NCOA2: variants seen among roughly 807,000 people sequenced by gnomAD.
NCOA2 encodes class E basic helix-loop-helix protein 75.
NCOA2 carries 21 observed loss-of-function variants against 145.1 expected under a neutral mutation model. That is an observed-to-expected ratio of 0.14 (90% CI 0.10 to 0.21). The LOEUF (loss-of-function observed/expected upper bound fraction) is 0.21. Among genes scored for constraint, NCOA2 ranks in the 10% least tolerant of loss-of-function variants. NCOA2 has a pLI of 1.00. For synonymous variants in NCOA2, 619 were observed against 637.5 expected, an observed-to-expected ratio of 0.97 and a Z score of 0.44; for missense variants, 1,472 against 1,837.6, an observed-to-expected ratio of 0.80 and a Z score of 3.64.
At chr8:70,128,009 A>G (rs1383358023) in intron 18 of NCOA2, among the ~76,000 whole-genome samples, 2 of 152,188 alleles carry the variant, frequency 1.3e-5, no homozygotes, top group Admixed American at 6.5e-5. Flanking sequence ...CCTTCTGGAG[A>G]AAACAGGTGT....
intron 1 of NCOA2, among the ~76,000 whole-genome samples, chr8:70,400,321 G>C (rs1275074940): frequency 6.6e-6 from 1 of 152,108 alleles, no homozygotes; most frequent in Non-Finnish European, 1.5e-5. Flanking sequence ...TCCAGTCTGA[G>C]AGCACACAAT....
intron 7 of NCOA2, among the ~76,000 whole-genome samples, chr8:70,165,810 C>A (rs1018087783): frequency 6.6e-6 from 1 of 152,094 alleles, no homozygotes; most frequent in Non-Finnish European, 1.5e-5. Flanking sequence ...GTTGTTTTAA[C>A]TGTGTGCATT....
intron 1 of NCOA2, among the ~76,000 whole-genome samples, chr8:70,342,709 CCTTTT>C (rs1313798195): frequency 6.9e-6 from 1 of 143,932 alleles, no homozygotes; most frequent in Non-Finnish European, 1.5e-5. Context: ...TACTACATTA[CCTTTT>C]TTTTTTTTAA....
chr8:70,417,819 G>A, the NCOA2 span, among the ~76,000 whole-genome samples: 7 of 152,056 alleles, frequency 4.6e-5, no homozygotes, highest in East Asian at 1.9e-4. Context: ...AGCCTTTTTC[G>A]TATCTCCATT....
chr8:70,137,213 T>C (rs1428339818), intron 15 of NCOA2, among the ~76,000 whole-genome samples: 6 of 152,216 alleles, frequency 3.9e-5, no homozygotes, highest in Non-Finnish European at 8.8e-5. Context: ...CTAAGTTTTT[T>C]TGTATTTTTA....
chr8:70,136,784 G>C (rs983870736), intron 15 of NCOA2, among the ~76,000 whole-genome samples: 25 of 152,328 alleles, frequency 1.6e-4, no homozygotes, highest in Admixed American at 1.2e-3. Context: ...TCAAAAGAGA[G>C]ACATGGTTAG....
At chr8:70,454,959 G>T in the NCOA2 span, among the ~76,000 whole-genome samples, 4 of 152,202 alleles carry the variant, frequency 2.6e-5, no homozygotes, top group African/African-American at 9.6e-5. Context: ...TAATGATGGC[G>T]AAATGCTTTG....
intron 4 of NCOA2, among the ~76,000 whole-genome samples, chr8:70,187,932 C>G (rs1283131920): frequency 2.0e-5 from 3 of 152,196 alleles, no homozygotes; most frequent in African/African-American, 7.2e-5. Context: ...TACCCAATGG[C>G]ATTTTTCCCC....
chr8:70,433,988 C>T, the NCOA2 span, among the ~76,000 whole-genome samples: 2 of 152,100 alleles, frequency 1.3e-5, no homozygotes, highest in African/African-American at 4.8e-5. Flanking sequence ...ATTTCAGATT[C>T]ATTATATAAA....
chr8:70,281,800 T>A (rs539357495), intron 2 of NCOA2, among the ~76,000 whole-genome samples: 1 of 152,298 alleles, frequency 6.6e-6, no homozygotes, highest in African/African-American at 2.4e-5. Flanking sequence ...TCTTTACACC[T>A]GCAAAATGGA....
intron 1 of NCOA2, among the ~76,000 whole-genome samples, chr8:70,395,876 C>T (rs563504522): frequency 1.3e-5 from 2 of 152,288 alleles, no homozygotes; most frequent in South Asian, 4.1e-4. Flanking sequence ...ATAGAAAATA[C>T]CGTGCATTAT....
intron 2 of NCOA2, among the ~76,000 whole-genome samples, chr8:70,239,225 T>C (rs1164485395): frequency 6.6e-6 from 1 of 152,150 alleles, no homozygotes; most frequent in Non-Finnish European, 1.5e-5. Flanking sequence ...AGAAGGGGCC[T>C]CAAACAGGTC....
At chr8:70,182,946 T>G (rs1815652543) in intron 4 of NCOA2, among the ~76,000 whole-genome samples, 1 of 152,228 alleles carries the variant, frequency 6.6e-6, no homozygotes, top group African/African-American at 2.4e-5. Flanking sequence ...CCAACAAGTA[T>G]TAAATATTAT....
intron 4 of NCOA2, among the ~76,000 whole-genome samples, chr8:70,186,838 A>G (rs1816133234): frequency 6.6e-6 from 1 of 152,180 alleles, no homozygotes; most frequent in Non-Finnish European, 1.5e-5. Flanking sequence ...TAAAAATGTG[A>G]ATTTTCTTTA....
At chr8:70,207,634 C>T (rs1404235647) in intron 4 of NCOA2, among the ~76,000 whole-genome samples, 4 of 151,780 alleles carry the variant, frequency 2.6e-5, no homozygotes, top group African/African-American at 4.8e-5. Flanking sequence ...GAGGCCAAGG[C>T]GGGTGGATCA....
intron 2 of NCOA2, among the ~76,000 whole-genome samples, chr8:70,260,991 C>T (rs938192956): frequency 3.9e-5 from 6 of 152,138 alleles, no homozygotes; most frequent in African/African-American, 1.2e-4. Flanking sequence ...GGAACACTTT[C>T]ACACTGTTGC....
At chr8:70,256,226 A>G (rs538106951) in intron 2 of NCOA2, among the ~76,000 whole-genome samples, 1 of 152,264 alleles carries the variant, frequency 6.6e-6, no homozygotes, top group Non-Finnish European at 1.5e-5. Context: ...TTTCTACTCA[A>G]ACTACATTCC....
At chr8:70,236,401 T>C (rs1425286164) in intron 2 of NCOA2, among the ~76,000 whole-genome samples, 1 of 152,160 alleles carries the variant, frequency 6.6e-6, no homozygotes, top group African/African-American at 2.4e-5. Context: ...CTTGACCTTT[T>C]CTGTTTGCCC....
intron 22 of NCOA2, among the ~76,000 whole-genome samples, chr8:70,119,873 C>CTT (rs34652365): frequency 1.1e-4 from 16 of 144,190 alleles, no homozygotes; most frequent in Non-Finnish European, 2.0e-4. Flanking sequence ...CCTTTGTCCA[C>CTT]TTTTTTTTTT....
Sources: gnomAD v4.1 joint callset for allele counts (sites outside exome capture counted in the v4.1 genomes callset) on GRCh38, gnomAD v4.1.1 for gene constraint, MANE v1.5 for transcripts, NCBI Gene and HGNC (gene_info 2026-07-23, HGNC 2026-07-21) for gene names.